The following HEXIM2 variants were observed in gnomAD, a reference collection of about 807,000 sequenced individuals.
HEXIM2 encodes the protein HEXIM P-TEFb complex subunit 2, also known as protein HEXIM2.
For synonymous variants in HEXIM2, 159 were observed against 162.7 expected (o/e 0.98, Z 0.17); for missense variants, 413 against 390.8 (o/e 1.06, Z -0.48).
In HEXIM2 at chr17:45,169,137, TGGCCTGGGCTG is replaced by T; in HGVS notation, c.191_201del (p.Gly64GlufsTer3). On this transcript the variant is annotated frameshift_variant, in exon 4 of 4. Transcript: ENST00000589230. LOFTEE classifies it low-confidence loss of function (END_TRUNC). ...ATGAAGATCTTGCTGGGGCTGTCGG[TGGCCTGGGCTG>T]GAACAGTAGGAGTCCCCGGACCCAG... 2 of 1,613,874 alleles carry T rather than the reference TGGCCTGGGCTG, an allele frequency of 1.2e-6. No homozygotes were observed. Among genetic ancestry groups the T allele is most frequent in the Non-Finnish European group, 1.7e-6 (2 of 1,180,012 alleles).
At chr17:45,165,536 C>G (rs2042818886) in intron 3 of HEXIM2, among the ~76,000 whole-genome samples, 2 of 152,088 alleles carry the variant, frequency 1.3e-5, no homozygotes, top group South Asian at 4.1e-4. Flanking sequence ...TCTCCCACAC[C>G]CAGTACTCCC....
At chr17:45,163,686 T>C (rs888810751) in intron 3 of HEXIM2, among the ~76,000 whole-genome samples, 1 of 151,746 alleles carries the variant, frequency 6.6e-6, no homozygotes, top group African/African-American at 2.4e-5. Context: ...TCATCTCTAC[T>C]AAAAATACAA....
intron 3 of HEXIM2, among the ~76,000 whole-genome samples, chr17:45,165,760 A>G (rs969803371): frequency 6.6e-6 from 1 of 150,824 alleles, no homozygotes; most frequent in African/African-American, 2.5e-5. Flanking sequence ...ATTTTATTTT[A>G]TTTTATTTTT....
chr17:45,163,839 A>G, intron 3 of HEXIM2, among the ~76,000 whole-genome samples: 1 of 151,896 alleles, frequency 6.6e-6, no homozygotes, highest in Middle Eastern at 3.2e-3. Context: ...ACAGAGTGAC[A>G]CTCCATCTCA....
intron 3 of HEXIM2, among the ~76,000 whole-genome samples, chr17:45,164,341 G>C (rs532533490): frequency 6.6e-6 from 1 of 152,298 alleles, no homozygotes; most frequent in African/African-American, 2.4e-5. Flanking sequence ...TATAATCCCA[G>C]CTAGTTGGGA....
chr17:45,165,102 G>A (rs1437559265), intron 3 of HEXIM2, among the ~76,000 whole-genome samples: 1 of 152,132 alleles, frequency 6.6e-6, no homozygotes, highest in Admixed American at 6.6e-5. Context: ...GTGACTGATT[G>A]TGCACACCAA....
At chr17:45,162,720 G>T in intron 2 of HEXIM2, 30 bp from the exon 3 acceptor site, 1 of 1,610,704 alleles carries the variant, frequency 6.2e-7, no homozygotes. Flanking sequence ...GTTCCTTCAG[G>T]ATTTAGGTTT....
chr17:45,160,578 C>T, upstream of HEXIM2: 1 of 246,580 alleles, frequency 4.1e-6, no homozygotes, highest in African/African-American at 2.2e-5. Flanking sequence ...GTTGATGAAG[C>T]ATACGAAATG....
At chr17:45,161,587 A>T (rs1363971952), upstream of HEXIM2, 1 of 157,708 alleles carries the variant, frequency 6.3e-6, no homozygotes, top group Admixed American at 6.1e-5. Context: ...CCTTAGCCGG[A>T]TCTATTTTCT....
rs553006715 is a variant in HEXIM2 at position 45,162,855 on chromosome 17, C to G, written c.62C>G (p.Ala21Gly). The stretch of plus-strand genomic sequence containing the variant: ...GAGTCACCAGTGGCCCTGGAGGAGG[C>G]CAAGGTAAGTCCCTGCCCTCCTGCC... ...NAESPVALEE[A>G]KTSGAPGSPQ... Residue 21 changes from alanine (A) to glycine (G), a missense_variant, in exon 3 of 4, where the codon GCC becomes GGC. Physicochemically the swap from Ala to Gly is moderately conservative, Grantham distance 60. Transcript: ENST00000589230. 9 of 1,609,322 alleles carry G rather than the reference C, an allele frequency of 5.6e-6. No homozygotes were observed. Among genetic ancestry groups the G allele is most frequent in the Non-Finnish European group, 7.6e-6 (9 of 1,176,488 alleles).
rs1430982472 is a variant in HEXIM2, at chr17:45,161,915, A to G, written c.-309A>G. On this transcript the variant is annotated 5_prime_UTR_variant, in exon 1 of 4. Coordinates refer to ENST00000589230, the MANE Select transcript of HEXIM2 (RefSeq NM_001303441.2). ...TCTTAGTGGCCTGAGCGGCTTGACC[A>G]GAGCTGCTGCAACTGCAGCAAGAGG... is the stretch of plus-strand genomic sequence containing the variant. 2.0e-6 allele frequency: 2 copies of G among 985,526 alleles called. No homozygotes were observed. Among genetic ancestry groups the G allele is most frequent in the South Asian group, 9.4e-5 (2 of 21,314 alleles). The allele number at this position is 985,526 out of a possible 1,614,324, so 61.0% of individuals were successfully genotyped here. A position where few individuals can be genotyped will look rare whatever the true frequency, so the allele number is the denominator to read the frequency against.
At position 45,169,933 on chromosome 17, in the gene HEXIM2, AC is replaced by A. The variant is rs1023641092; in HGVS notation, c.*125del. 180 of 758,488 alleles carry A rather than the reference AC, an allele frequency of 2.4e-4. No individual in the cohort carries two copies. The highest frequency in any genetic ancestry group is 3.1e-4 in the Admixed American group (9 of 28,748). The allele number at this position is 758,488 out of a possible 1,614,324, so 47.0% of individuals were successfully genotyped here. ...CGTCAACACCCTGTGCGCCCTGAGA[AC>A]AGCTAAATCGGTTCAGACTCCCACC... On this transcript the variant is annotated 3_prime_UTR_variant, in exon 4 of 4. Coordinates refer to ENST00000589230, the MANE Select transcript of HEXIM2 (RefSeq NM_001303441.2).
Position 45,162,811 on chromosome 17 carries a change from C to G in HEXIM2, c.18C>G (p.Asn6Lys). The G allele has an allele frequency of 6.2e-7, 1 of 1,613,930 alleles. No individual in the cohort carries two copies. The highest frequency in any genetic ancestry group is 8.5e-7 in the Non-Finnish European group (1 of 1,180,004). The change falls in exon 3 of 4, where the codon AAC becomes AAG. Residue 6 changes from asparagine to lysine, a missense_variant. Coordinates refer to ENST00000589230, the MANE Select transcript of HEXIM2 (RefSeq NM_001303441.2). ...AACAGAAGATGATGGCCACTCCGAA[C>G]CAGACCGCCTGTAATGCAGAGTCAC... is the stretch of plus-strand genomic sequence containing the variant. MMATP[N>K]QTACNAESPV... is the part of the protein sequence containing the mutation.
At chr17:45,161,114 G>A (rs2042670937), upstream of HEXIM2, 4 of 459,042 alleles carry the variant, frequency 8.7e-6, no homozygotes, top group South Asian at 1.7e-5. Flanking sequence ...GGGCCTCGCC[G>A]CCATACCCAG....
Position 45,162,510 on chromosome 17 carries a change from C to T in HEXIM2, c.-170C>T, listed in dbSNP as rs2042726281. On this transcript the variant is annotated 5_prime_UTR_variant, in exon 2 of 4. Coordinates refer to ENST00000589230, the MANE Select transcript of HEXIM2 (RefSeq NM_001303441.2). ...CAGGAGGACAGTACAGGACATGAGT[C>T]CTGGTGAGGGACCCGAGGAGCAGGA... 27 of 1,277,970 alleles carry T rather than the reference C, an allele frequency of 2.1e-5. No individual in the cohort carries two copies. Among genetic ancestry groups the T allele is most frequent in the Non-Finnish European group, 2.7e-5 (27 of 1,000,928 alleles). The allele number at this position is 1,277,970 out of a possible 1,614,324, so 79.2% of individuals were successfully genotyped here.
chr17:45,161,334 A>C, upstream of HEXIM2: 2 of 225,186 alleles, frequency 8.9e-6, no homozygotes, highest in East Asian at 1.2e-4. Context: ...GGCCGAGGAG[A>C]CTCCAACCTT....
chr17:45,168,470 T>C (rs531174610), intron 3 of HEXIM2, among the ~76,000 whole-genome samples: 2 of 150,948 alleles, frequency 1.3e-5, no homozygotes, highest in Admixed American at 6.6e-5. Context: ...CGAGACTCCA[T>C]CTCAAAAAAT....
At chr17:45,167,022 C>G (rs36160143) in intron 3 of HEXIM2, among the ~76,000 whole-genome samples, 1 of 62,392 alleles carries the variant, frequency 1.6e-5, no homozygotes, top group Non-Finnish European at 2.4e-5. Flanking sequence ...AAGACTCTGT[C>G]TCAAAAAAAA....
upstream of HEXIM2, chr17:45,161,258 G>C (rs868360207): frequency 2.8e-6 from 1 of 351,748 alleles, no homozygotes; most frequent in South Asian, 2.1e-5. Context: ...GGTAATTACC[G>C]AAGAACCCCG....
Sources: gnomAD v4.1 joint callset for allele counts (sites outside exome capture counted in the v4.1 genomes callset) on GRCh38, gnomAD v4.1.1 for gene constraint, MANE v1.5 for transcripts, NCBI Gene and HGNC (gene_info 2026-07-23, HGNC 2026-07-21) for gene names.